Variants in RSPH10B observed in about 807,000 individuals in gnomAD.
RSPH10B encodes the protein radial spoke head 10 homolog B (Chlamydomonas).
In RSPH10B, 7 loss-of-function variants were observed where a neutral mutation model predicts 52.5. That is an observed-to-expected ratio of 0.13 (90% CI 0.08 to 0.25). The LOEUF is 0.25. Among genes scored for constraint, RSPH10B ranks in the 10% least tolerant of loss-of-function variants. RSPH10B has a pLI of 1.00. For synonymous variants in RSPH10B, 28 were observed against 193.2 expected, an observed-to-expected ratio of 0.14 and a Z score of 7.09; for missense variants, 89 against 542.5, an observed-to-expected ratio of 0.16 and a Z score of 8.30.
At chr7:5,941,781 T>TTA (rs1780204970) in intron 13 of RSPH10B, among the ~76,000 whole-genome samples, 1 of 141,308 alleles carries the variant, frequency 7.1e-6, no homozygotes, top group African/African-American at 2.6e-5. Context: ...CAACCAATAG[T>TTA]TAGTATGAGA....
At chr7:5,928,635 T>G (rs561186153) in intron 17 of RSPH10B, among the ~76,000 whole-genome samples, 3 of 40,206 alleles carry the variant, frequency 7.5e-5, no homozygotes, top group East Asian at 7.0e-4. Context: ...TTCTTTTTTG[T>G]TTTTTTTTTT....
chr7:5,933,766 CA>C lies in RSPH10B; in HGVS notation c.2140-892del, dbSNP rs202156286. 2.2e-3 allele frequency among the ~76,000 whole-genome samples: 208 copies of C among 93,016 alleles called. 2 individuals are homozygous for C. The highest frequency in any genetic ancestry group is 6.9e-3 in the African/African-American group (166 of 24,210). The allele number at this position is 93,016 out of a possible 152,430, so 61.0% of individuals were successfully genotyped here. ...TGGGCGACAGAGCGAGACTCTGTCT[CA>C]AAAAAAAAAAAATTTAACCATACTT... is the stretch of plus-strand genomic sequence containing the variant. On this transcript the variant is annotated intron_variant, in intron 16 of 18. Coordinates refer to ENST00000337579, the Ensembl canonical transcript of RSPH10B.
intron 10 of RSPH10B, among the ~76,000 whole-genome samples, chr7:5,947,794 G>C (rs1450673048): frequency 3.5e-5 from 3 of 85,440 alleles, no homozygotes; most frequent in African/African-American, 1.4e-4. Flanking sequence ...CCACTGTGTA[G>C]CCTGTTTCCT....
rs1362165060 is a variant in RSPH10B, at chr7:5,941,511, G to A, written c.1758+1813C>T. ...TGTAATCCCAGCACTTTGGGAGTCC[G>A]ACACGGGCGGATCACGAGGTCAAGA... On this transcript the variant is annotated intron_variant, in intron 13 of 18. Coordinates refer to ENST00000337579, the Ensembl canonical transcript of RSPH10B. Among the ~76,000 whole-genome samples, 34 of 149,024 alleles carry A rather than the reference G, an allele frequency of 2.3e-4. 3 individuals carry two copies. Among genetic ancestry groups the A allele is most frequent in the Admixed American group, 1.4e-3 (20 of 14,662 alleles).
Position 5,926,389 on chromosome 7 carries a change from GGT to G in RSPH10B, c.2590_2591del (p.Thr864GlnfsTer23). ...CTCTCTACTTTTTCTTCTTCTTGCT[GGT>G]GATGGTCTTGCTGGATGGGGACACG... On this transcript the variant is annotated frameshift_variant, in exon 19 of 19. Transcript: ENST00000337579. LOFTEE classifies it high-confidence loss of function. 2 of 1,480,382 alleles carry G rather than the reference GGT, an allele frequency of 1.4e-6. No individual in the cohort carries two copies. Among genetic ancestry groups the G allele is most frequent in the East Asian group, 4.6e-5 (2 of 43,424 alleles). The allele number at this position is 1,480,382 out of a possible 1,614,324, so 91.7% of individuals were successfully genotyped here.
At chr7:5,943,218 A>C (rs1583226414) in intron 13 of RSPH10B, 106 bp downstream of exon 15, 1 of 1,558,346 alleles carries the variant, frequency 6.4e-7, no homozygotes, top group East Asian at 2.3e-5. Flanking sequence ...TCCAGCCCAG[A>C]TCTTCACCTG....
intron 13 of RSPH10B, among the ~76,000 whole-genome samples, chr7:5,942,926 A>ATT (rs10616078): frequency 1.3e-4 from 19 of 141,048 alleles, no homozygotes; most frequent in African/African-American, 4.4e-4. Flanking sequence ...ATATATATAT[A>ATT]TTTTTTTTTA....
At position 5,944,617 on chromosome 7, in the gene RSPH10B, TG is replaced by T. The variant is rs551718344; in HGVS notation, c.1529+446del. On this transcript the variant is annotated intron_variant, in intron 11 of 18. Transcript: ENST00000337579. Reference sequence around the variant, plus strand: ...ATGTCATGGCTTTGTGGTTAATATTTGTGGAAAGGTTGTGTTCTGAGTCCTT... The same window carrying T: ...ATGTCATGGCTTTGTGGTTAATATTTTGGAAAGGTTGTGTTCTGAGTCCTT... Among the ~76,000 whole-genome samples, 651 of 146,112 alleles carry T rather than the reference TG, an allele frequency of 4.5e-3. 19 individuals carry two copies. The highest frequency in any genetic ancestry group is 0.016 in the African/African-American group (619 of 38,304).
chr7:5,964,066 C>T (rs540681904), intron 3 of RSPH10B, among the ~76,000 whole-genome samples: 11 of 149,176 alleles, frequency 7.4e-5, no homozygotes, highest in African/African-American at 2.5e-4. Flanking sequence ...GGTGACAGAG[C>T]AAGACCCCAT....
At position 5,959,015 on chromosome 7, in the gene RSPH10B, T is replaced by A; in HGVS notation, c.637A>T (p.Lys213Ter). The A allele has an allele frequency of 7.5e-7, 1 of 1,336,016 alleles. No homozygotes were observed. The highest frequency in any genetic ancestry group is 1.1e-6 in the Non-Finnish European group (1 of 945,350). The allele number at this position is 1,336,016 out of a possible 1,614,324, so 82.8% of individuals were successfully genotyped here. ...TACCATCTTATTCCCCAGCCCTTTT[T>A]GATGTTTTGTACCCAGTCTCCCTCG... The change falls in exon 5 of 19, where the codon AAA becomes TAA. Residue 213 changes from lysine to a stop codon, truncating the protein, a stop_gained. Transcript: ENST00000337579. LOFTEE classifies it high-confidence loss of function.
chr7:5,926,362 GTC>G lies in RSPH10B; in HGVS notation c.*4_*5del, dbSNP rs555426545. On this transcript the variant is annotated 3_prime_UTR_variant, in exon 19 of 19. Transcript: ENST00000337579. ...CCTAAGCCTGTGTGTGTGTCCTCGT[GTC>G]TCTCTACTTTTTCTTCTTCTTGCTG... 1.1e-4 allele frequency: 157 copies of G among 1,387,166 alleles called. 1 individual carries two copies. Among genetic ancestry groups the G allele is most frequent in the Admixed American group, 7.0e-4 (37 of 53,048 alleles). 85.9% of individuals were successfully genotyped at this position (1,387,166 alleles called of 1,614,324 possible). A position where few individuals can be genotyped will look rare whatever the true frequency, so the allele number is the denominator to read the frequency against.
intron 9 of RSPH10B, among the ~76,000 whole-genome samples, chr7:5,950,746 GC>G (rs1780577711): frequency 8.6e-6 from 1 of 116,932 alleles, no homozygotes; most frequent in Non-Finnish European, 1.9e-5. Flanking sequence ...CTCACCCCAT[GC>G]CCTACCCTCA....
rs1288127043 is a variant in RSPH10B at position 5,943,271 on chromosome 7, T to C, written c.1758+53A>G. The stretch of plus-strand genomic sequence containing the variant: ...GCTGGAATATCCTGCCTTTCTTTAA[T>C]TAAAATCAAAGTGCCTGTAAATAGA... On this transcript the variant is annotated intron_variant, in intron 13 of 18. Coordinates refer to ENST00000337579, the Ensembl canonical transcript of RSPH10B. 34 of 1,547,260 alleles carry C rather than the reference T, an allele frequency of 2.2e-5. No individual in the cohort carries two copies. The East Asian group carries it at 5.9e-4, about 27-fold the overall frequency.
At chr7:5,968,858 CAG>C (rs1237322269), upstream of RSPH10B, among the ~76,000 whole-genome samples, 1 of 45,150 alleles carries the variant, frequency 2.2e-5, no homozygotes, top group African/African-American at 7.4e-5. Context: ...TTTTTTTAGA[CAG>C]ACTCTCTAGC....
In RSPH10B at chr7:5,927,850, C is replaced by T. The variant is rs144998361; in HGVS notation, c.2432+346G>A. ...GCTCGGGAGGCTGAGGCAAGAGAATCGCTTGAACCCGGGAGGCGGAGGTTG... is the reference window on the plus strand; with the variant it reads ...GCTCGGGAGGCTGAGGCAAGAGAATTGCTTGAACCCGGGAGGCGGAGGTTG... On this transcript the variant is annotated intron_variant, in intron 18 of 18. Transcript: ENST00000337579. Among the ~76,000 whole-genome samples the T allele has an allele frequency of 1.1e-3, 160 of 146,568 alleles. 2 individuals are homozygous for T. The highest frequency in any genetic ancestry group is 3.9e-3 in the African/African-American group (152 of 39,364).
chr7:5,928,446 G>T lies in RSPH10B; in HGVS notation c.2234-52C>A, dbSNP rs567577299. On this transcript the variant is annotated intron_variant, in intron 17 of 18. Transcript: ENST00000337579. The stretch of plus-strand genomic sequence containing the variant: ...CATGAATACAATCCTGCTGTCAATT[G>T]GGGGTCTGCGTGCTTTTTCTCGTTC... 7 of 1,583,506 alleles carry T rather than the reference G, an allele frequency of 4.4e-6. No homozygotes were observed. The East Asian group carries it at 1.6e-4, about 35-fold the overall frequency.
rs573148345 is a variant in RSPH10B, at chr7:5,943,150, A to G, written c.1758+174T>C. 6.0e-5 allele frequency: 83 copies of G among 1,387,986 alleles called. 2 individuals carry two copies. The African/African-American group carries it at 9.9e-4, about 17-fold the overall frequency. 86.0% of individuals were successfully genotyped at this position (1,387,986 alleles called of 1,614,324 possible). On this transcript the variant is annotated intron_variant, in intron 13 of 18. Transcript: ENST00000337579. ...GGTGACGGCTGTTTCTGTTCCTTCC[A>G]CGACCACAGACCACTGTTCTGCCAA...
In RSPH10B at chr7:5,933,545, G is replaced by A. The variant is rs1267012971; in HGVS notation, c.2140-670C>T. ...GAGGCCGAGACAGGTGGATCACAAG[G>A]TCAGGAGATCGAGACCATCCTGGCT... is the stretch of plus-strand genomic sequence containing the variant. On this transcript the variant is annotated intron_variant, in intron 16 of 18. Transcript: ENST00000337579. Among the ~76,000 whole-genome samples, 9 of 139,644 alleles carry A rather than the reference G, an allele frequency of 6.4e-5. No individual in the cohort carries two copies. In the Admixed American group the frequency reaches 6.6e-4, roughly 10 times the overall value. The allele number at this position is 139,644 out of a possible 152,430, so 91.6% of individuals were successfully genotyped here.
At chr7:5,947,367 GC>G (rs1231926215) in intron 10 of RSPH10B, among the ~76,000 whole-genome samples, 2 of 17,884 alleles carry the variant, frequency 1.1e-4, no homozygotes, top group African/African-American at 3.9e-4. Context: ...CTGCTGATCT[GC>G]AGGAGGCGGA....
Sources: gnomAD v4.1 joint callset for allele counts (sites outside exome capture counted in the v4.1 genomes callset) on GRCh38, gnomAD v4.1.1 for gene constraint, MANE v1.5 for transcripts, NCBI Gene and HGNC (gene_info 2026-07-23, HGNC 2026-07-21) for gene names.